CNTNAP2: variants seen among roughly 807,000 people sequenced by gnomAD.
CNTNAP2 encodes the protein contactin-associated protein-like 2.
In CNTNAP2, 98 loss-of-function variants were observed where a neutral mutation model predicts 155.2. The ratio of observed to expected loss-of-function variants is 0.63; its 90% CI spans 0.54 to 0.75. The LOEUF is 0.75. Among genes scored for constraint, CNTNAP2 ranks in the 30% least tolerant of loss-of-function variants. The probability of loss-of-function intolerance (pLI) is 0.00; values close to 1 mark genes in which losing one functional copy is unlikely to be tolerated. For synonymous variants in CNTNAP2, 651 were observed against 631.2 expected (o/e 1.03, Z -0.47); for missense variants, 1,727 against 1,688.1 (o/e 1.02, Z -0.40).
At chr7:148,316,847 G>C (rs1797698635) in intron 21 of CNTNAP2, among the ~76,000 whole-genome samples, 1 of 152,188 alleles carries the variant, frequency 6.6e-6, no homozygotes, top group Non-Finnish European at 1.5e-5. Flanking sequence ...GACTCAGCGA[G>C]AAAAGACAAT....
chr7:147,690,781 C>G (rs997559659), intron 13 of CNTNAP2, among the ~76,000 whole-genome samples: 2 of 151,950 alleles, frequency 1.3e-5, no homozygotes, highest in Non-Finnish European at 2.9e-5. Context: ...TTGAATAATA[C>G]AATTAATCAT....
intron 15 of CNTNAP2, among the ~76,000 whole-genome samples, chr7:148,062,324 C>T (rs1448208535): frequency 6.6e-6 from 1 of 151,864 alleles, no homozygotes; most frequent in Admixed American, 6.6e-5. Flanking sequence ...TTATGGCAAG[C>T]GATTCATTTT....
intron 3 of CNTNAP2, among the ~76,000 whole-genome samples, chr7:147,042,565 C>T (rs1180639632): frequency 1.3e-5 from 2 of 151,952 alleles, no homozygotes; most frequent in Non-Finnish European, 2.9e-5. Flanking sequence ...TTAAAAACAT[C>T]TCTCGCTCTT....
intron 3 of CNTNAP2, among the ~76,000 whole-genome samples, chr7:146,971,105 C>T (rs920543004): frequency 2.6e-5 from 4 of 151,906 alleles, no homozygotes; most frequent in African/African-American, 9.7e-5. Context: ...ATACCTAATG[C>T]TAAATGACAA....
At chr7:147,937,614 C>CT (rs1800634869) in intron 14 of CNTNAP2, among the ~76,000 whole-genome samples, 1 of 152,110 alleles carries the variant, frequency 6.6e-6, no homozygotes, top group Admixed American at 6.5e-5. Context: ...CACTCTCTCT[C>CT]CTGCCTGAGT....
chr7:148,282,899 T>G (rs985947070), intron 21 of CNTNAP2, among the ~76,000 whole-genome samples: 3 of 152,128 alleles, frequency 2.0e-5, no homozygotes, highest in African/African-American at 7.2e-5. Flanking sequence ...CACAACATAC[T>G]TTTGCATACC....
chr7:147,576,182 A>T (rs1195061047), intron 12 of CNTNAP2, among the ~76,000 whole-genome samples: 1 of 152,002 alleles, frequency 6.6e-6, no homozygotes, highest in Non-Finnish European at 1.5e-5. Context: ...TGTCTTGTTT[A>T]CTACTGAACC....
intron 1 of CNTNAP2, among the ~76,000 whole-genome samples, chr7:146,271,292 C>T (rs1414158659): frequency 6.6e-6 from 1 of 151,956 alleles, no homozygotes; most frequent in African/African-American, 2.4e-5. Context: ...TACATCTCAG[C>T]AGTGGCAAAT....
chr7:146,976,568 A>G (rs113867258), intron 3 of CNTNAP2, among the ~76,000 whole-genome samples: 1 of 152,140 alleles, frequency 6.6e-6, no homozygotes, highest in Non-Finnish European at 1.5e-5. Context: ...AAGGATACAG[A>G]TGAAGAGATG....
At chr7:146,875,934 C>CAAATA (rs1795413852) in intron 3 of CNTNAP2, among the ~76,000 whole-genome samples, 1 of 55,134 alleles carries the variant, frequency 1.8e-5, no homozygotes, top group Non-Finnish European at 3.4e-5. Flanking sequence ...ACATACACAG[C>CAAATA]AAAAAAAAAA....
intron 10 of CNTNAP2, among the ~76,000 whole-genome samples, chr7:147,479,574 T>C (rs1798386159): frequency 1.3e-5 from 2 of 152,196 alleles, no homozygotes; most frequent in African/African-American, 4.8e-5. Context: ...GTGAGAAATA[T>C]ATTGTAAAAG....
chr7:147,562,539 G>T (rs1365933449), intron 12 of CNTNAP2, among the ~76,000 whole-genome samples: 1 of 152,076 alleles, frequency 6.6e-6, no homozygotes, highest in African/African-American at 2.4e-5. Context: ...AAGTTGCAAA[G>T]TTCAGCCCAA....
At chr7:147,411,428 A>G (rs1797100452) in intron 10 of CNTNAP2, among the ~76,000 whole-genome samples, 1 of 152,218 alleles carries the variant, frequency 6.6e-6, no homozygotes, top group South Asian at 2.1e-4. Context: ...TTCAGCTGTT[A>G]GGAACAGAGA....
intron 15 of CNTNAP2, among the ~76,000 whole-genome samples, chr7:148,057,092 T>A (rs1803028559): frequency 6.6e-6 from 1 of 152,148 alleles, no homozygotes; most frequent in South Asian, 2.1e-4. Context: ...GAGGCTTGAG[T>A]GGTATTCACA....
intron 14 of CNTNAP2, among the ~76,000 whole-genome samples, chr7:147,949,440 G>GTGTATATATATATATATATATATATA (rs374972144): frequency 2.4e-5 from 3 of 127,362 alleles, no homozygotes; most frequent in Non-Finnish European, 5.2e-5. Flanking sequence ...TCAACTGTGT[G>GTGTATATATATATATATATATATATA]TATATATATA....
chr7:147,598,984 C>T (rs13438099), intron 12 of CNTNAP2, among the ~76,000 whole-genome samples: 41,000 of 151,982 alleles, frequency 0.27, 5,942 homozygotes, highest in African/African-American at 0.36. Context: ...TCAGTTAAAC[C>T]TCTTTCCTTA....
chr7:147,486,019 C>G lies in CNTNAP2; in HGVS notation c.1755C>G (p.Tyr585Ter), dbSNP rs766920511. 1.9e-6 allele frequency: 3 copies of G among 1,614,002 alleles called. No homozygotes were observed. Among genetic ancestry groups the G allele is most frequent in the Non-Finnish European group, 2.5e-6 (3 of 1,179,920 alleles). The change falls in exon 11 of 24, where the codon TAC (tyrosine) becomes TAG (stop). Residue 585 changes from tyrosine to a stop codon, truncating the protein, a stop_gained. Coordinates refer to ENST00000361727, the MANE Select transcript of CNTNAP2 (RefSeq NM_014141.6). LOFTEE classifies it high-confidence loss of function. ...AATGCACTTGTGATGAGACAGGATA[C>G]AGTGGGGCCACCTGCCACAACTGTG... ...SFKCTCDETGYSGATCHNSIY... is the reference protein window; with the variant it reads ...SFKCTCDETG
rs561547987 is a variant in CNTNAP2, at chr7:146,576,411, C to T, written c.98-197860C>T. Among the ~76,000 whole-genome samples the T allele has an allele frequency of 5.3e-5, 8 of 152,180 alleles. No homozygotes were observed. In the South Asian group the frequency reaches 6.2e-4, roughly 12 times the overall value. ...GTACAACAGCTCAAATTTATGTAAC[C>T]CCCAGTGCCCTTGGGAGAGCCCATG... On this transcript the variant is annotated intron_variant, in intron 1 of 23. Transcript: ENST00000361727.
intron 8 of CNTNAP2, among the ~76,000 whole-genome samples, chr7:147,189,174 A>T (rs73156422): frequency 0.016 from 2,403 of 152,234 alleles, 26 homozygotes; most frequent in South Asian, 0.042. Context: ...AAAATAAATA[A>T]CTTTTTTAAG....
Sources: allele counts gnomAD v4.1 joint callset (sites outside exome capture counted in the v4.1 genomes callset), GRCh38; gene constraint gnomAD v4.1.1; transcripts MANE v1.5; gene names NCBI Gene and HGNC (gene_info 2026-07-23, HGNC 2026-07-21).